The following SLC35F1 variants were observed in gnomAD, a reference collection of about 807,000 sequenced individuals.
SLC35F1 encodes the protein solute carrier family 35 member F1, also known as chromosome 6 open reading frame 169.
SLC35F1 carries 14 observed loss-of-function variants against 48.7 expected under a neutral mutation model. The ratio of observed to expected loss-of-function variants is 0.29; its 90% CI spans 0.19 to 0.45. The LOEUF is 0.45. SLC35F1 is among the 20% of genes least tolerant of loss of function. The probability of loss-of-function intolerance (pLI) is 1.00; values close to 1 mark genes in which losing one functional copy is unlikely to be tolerated. For synonymous variants in SLC35F1, 190 were observed against 202.2 expected (o/e 0.94, Z 0.51); for missense variants, 404 against 500.0 (o/e 0.81, Z 1.83).
intron 1 of SLC35F1, among the ~76,000 whole-genome samples, chr6:117,956,281 G>T (rs1776425456): frequency 6.6e-6 from 1 of 152,238 alleles, no homozygotes; most frequent in South Asian, 2.1e-4. Flanking sequence ...CAAGCTCTTT[G>T]TCTCCAGCAT....
At chr6:118,249,408 C>A (rs1445865593) in intron 3 of SLC35F1, among the ~76,000 whole-genome samples, 1 of 152,146 alleles carries the variant, frequency 6.6e-6, no homozygotes, top group Non-Finnish European at 1.5e-5. Context: ...GCTGTCTGCC[C>A]AAATAGATGC....
chr6:118,212,685 AAAAGAAAG>A (rs1775014497), intron 2 of SLC35F1, among the ~76,000 whole-genome samples: 1 of 145,264 alleles, frequency 6.9e-6, no homozygotes, highest in Non-Finnish European at 1.5e-5. Flanking sequence ...GAAAAGAAAG[AAAAGAAAG>A]AAAGAAGGAA....
chr6:118,245,903 A>G (rs1775501616), intron 3 of SLC35F1, among the ~76,000 whole-genome samples: 1 of 152,102 alleles, frequency 6.6e-6, no homozygotes, highest in Admixed American at 6.6e-5. Context: ...GACTTCAGAG[A>G]GGGCACATCT....
intron 2 of SLC35F1, among the ~76,000 whole-genome samples, chr6:118,190,036 C>T (rs180819692): frequency 1.1e-4 from 16 of 152,254 alleles, no homozygotes; most frequent in African/African-American, 3.6e-4. Flanking sequence ...TTCACAAGGA[C>T]TCAGATATAG....
chr6:117,957,925 T>G (rs1776447214), intron 1 of SLC35F1, among the ~76,000 whole-genome samples: 1 of 152,180 alleles, frequency 6.6e-6, no homozygotes, highest in Non-Finnish European at 1.5e-5. Flanking sequence ...AAAAAAAAAG[T>G]TAACTGTAAA....
At chr6:118,211,024 G>A (rs1774994688) in intron 2 of SLC35F1, among the ~76,000 whole-genome samples, 1 of 152,166 alleles carries the variant, frequency 6.6e-6, no homozygotes, top group Non-Finnish European at 1.5e-5. Flanking sequence ...AATGACTGGT[G>A]TCTTTTAAAG....
At chr6:118,041,235 G>A (rs1432819263) in intron 1 of SLC35F1, among the ~76,000 whole-genome samples, 1 of 152,074 alleles carries the variant, frequency 6.6e-6, no homozygotes, top group African/African-American at 2.4e-5. Flanking sequence ...TTGAATATTT[G>A]GGGGTTTCTC....
chr6:118,001,728 T>C (rs1218043341), intron 1 of SLC35F1, among the ~76,000 whole-genome samples: 1 of 152,110 alleles, frequency 6.6e-6, no homozygotes, highest in South Asian at 2.1e-4. Flanking sequence ...ATCCAGAATG[T>C]ACAATGAACT....
At chr6:118,232,671 G>A (rs533105502) in intron 2 of SLC35F1, among the ~76,000 whole-genome samples, 1 of 151,866 alleles carries the variant, frequency 6.6e-6, no homozygotes, top group South Asian at 2.1e-4. Flanking sequence ...GACTTCATTT[G>A]GAGACAGAAG....
chr6:117,955,955 A>G (rs574294318), intron 1 of SLC35F1, among the ~76,000 whole-genome samples: 2 of 152,310 alleles, frequency 1.3e-5, no homozygotes, highest in African/African-American at 2.4e-5. Flanking sequence ...TCATCTTCCA[A>G]TGCCACAATA....
Position 118,267,021 on chromosome 6 carries a change from C to T in SLC35F1, c.504C>T (p.Val168=), listed in dbSNP as rs771686232. 1.2e-5 allele frequency: 20 copies of T among 1,613,830 alleles called. No individual in the cohort carries two copies. The highest frequency in any genetic ancestry group is 1.1e-4 in the East Asian group (5 of 44,888). ...IQLLDCFVIP[V]VILLSWFFLL... is the part of the protein sequence containing the mutation. ...TCCTGGACTGTTTTGTGATCCCAGTCGTGATTTTGCTCTCCTGGTTCTTCC... is the reference window on the plus strand; with the variant it reads ...TCCTGGACTGTTTTGTGATCCCAGTTGTGATTTTGCTCTCCTGGTTCTTCC... The change falls in exon 4 of 8, where the codon GTC becomes GTT. Residue 168 remains valine (V), a synonymous_variant. Transcript: ENST00000360388.
At chr6:118,306,458 C>G (rs2114666475) in intron 7 of SLC35F1, among the ~76,000 whole-genome samples, 2 of 152,334 alleles carry the variant, frequency 1.3e-5, no homozygotes, top group East Asian at 3.9e-4. Flanking sequence ...AATTCAGTCT[C>G]TTACAAAATT....
intron 1 of SLC35F1, among the ~76,000 whole-genome samples, chr6:118,002,787 A>G (rs1777121570): frequency 6.6e-6 from 1 of 151,888 alleles, no homozygotes. Context: ...GTCTGGAAGA[A>G]AAGGCATAAG....
rs1481860672 is a variant in SLC35F1, at chr6:118,128,284, C to T, written c.174-26161C>T. Among the ~76,000 whole-genome samples the T allele has an allele frequency of 2.7e-5, 4 of 146,670 alleles. No homozygotes were observed. The East Asian group carries it at 7.9e-4, about 29-fold the overall frequency. ...CTCAGGGATCTAGAACTAGAAATAC[C>T]ATTTGACCCAGCCATCCCATTACTG... On this transcript the variant is annotated intron_variant, in intron 1 of 7. Transcript: ENST00000360388.
At chr6:117,947,573 G>A (rs894775335) in intron 1 of SLC35F1, among the ~76,000 whole-genome samples, 1 of 152,108 alleles carries the variant, frequency 6.6e-6, no homozygotes, top group Non-Finnish European at 1.5e-5. Flanking sequence ...CAAGAGAATG[G>A]CAACAGTGTC....
At chr6:118,244,995 A>T (rs577660215) in intron 3 of SLC35F1, among the ~76,000 whole-genome samples, 1 of 152,342 alleles carries the variant, frequency 6.6e-6, no homozygotes, top group East Asian at 1.9e-4. Context: ...CACAGGACAC[A>T]GGTATGGAAC....
intron 2 of SLC35F1, among the ~76,000 whole-genome samples, chr6:118,219,684 A>G (rs916946855): frequency 6.6e-6 from 1 of 152,206 alleles, no homozygotes; most frequent in African/African-American, 2.4e-5. Context: ...TACCCAAAGG[A>G]TTATAAATCA....
At chr6:117,918,850 G>A (rs2114798946) in intron 1 of SLC35F1, among the ~76,000 whole-genome samples, 1 of 152,116 alleles carries the variant, frequency 6.6e-6, no homozygotes, top group South Asian at 2.1e-4. Context: ...ATTGTACTGG[G>A]GAGTGGGGTA....
In SLC35F1 at chr6:117,921,671, A is replaced by G. The variant is rs1023724359; in HGVS notation, c.173+13772A>G. 1.8e-4 allele frequency among the ~76,000 whole-genome samples: 28 copies of G among 152,324 alleles called. 1 individual carries two copies. The South Asian group carries it at 2.9e-3, about 16-fold the overall frequency. ...TAGCACTAGTTTTAGAAAATTGATC[A>G]TTTGCAACTCTTAGGCTGATAAATG... is the stretch of plus-strand genomic sequence containing the variant. On this transcript the variant is annotated intron_variant, in intron 1 of 7. Coordinates refer to ENST00000360388, the MANE Select transcript of SLC35F1 (RefSeq NM_001029858.4).
Sources: gnomAD v4.1 joint callset for allele counts (sites outside exome capture counted in the v4.1 genomes callset) on GRCh38, gnomAD v4.1.1 for gene constraint, MANE v1.5 for transcripts, NCBI Gene and HGNC (gene_info 2026-07-23, HGNC 2026-07-21) for gene names.